DTNA: variants seen among roughly 807,000 people sequenced by gnomAD.
DTNA encodes dystrophin-related protein 3.
DTNA carries 43 observed loss-of-function variants against 100.7 expected under a neutral mutation model. The ratio of observed to expected loss-of-function variants is 0.43; its 90% confidence interval spans 0.33 to 0.55. DTNA has a LOEUF of 0.55. DTNA is among the 20% of genes least tolerant of loss of function. The pLI is 0.04. For missense variants in DTNA, 798 were observed against 953.9 expected (o/e 0.84, Z 2.15); for synonymous variants, 349 against 347.9 (o/e 1.00, Z -0.04).
chr18:34,574,685 G>T (rs928179471), intron 1 of DTNA, among the ~76,000 whole-genome samples: 2 of 152,192 alleles, frequency 1.3e-5, no homozygotes, highest in African/African-American at 4.8e-5. Flanking sequence ...CTGGAATGCA[G>T]TAATGATGTG....
rs141208582 is a variant in DTNA at position 34,541,885 on chromosome 18, G to T, written c.-2+48371G>T. Reference sequence around the variant, plus strand: ...CCAGAGTAAAAAAGCTGCAAGGTGTGATGGGTCTAGACCTGGTGATTGATT... The same window carrying T: ...CCAGAGTAAAAAAGCTGCAAGGTGTTATGGGTCTAGACCTGGTGATTGATT... On this transcript the variant is annotated intron_variant, in intron 1 of 19. Coordinates refer to the DTNA transcript ENST00000283365. 1.8e-3 allele frequency among the ~76,000 whole-genome samples: 275 copies of T among 152,192 alleles called. 1 individual carries two copies. Among genetic ancestry groups the T allele is most frequent in the African/African-American group, 5.9e-3 (244 of 41,552 alleles).
At chr18:34,839,139 A>G (rs2096216105) in intron 13 of DTNA, among the ~76,000 whole-genome samples, 1 of 152,196 alleles carries the variant, frequency 6.6e-6, no homozygotes, top group African/African-American at 2.4e-5. Flanking sequence ...GTTCTGTGCT[A>G]CGTGTCATGT....
rs149554830 is a variant in DTNA, at chr18:34,639,182, A to G, written c.-1-116794A>G. ...GTACTACTGATACACCTTAGACCAG[A>G]GATTGTCAGCCTCTTCACATTGACA... is the stretch of plus-strand genomic sequence containing the variant. On this transcript the variant is annotated intron_variant, in intron 1 of 19. Coordinates refer to the DTNA transcript ENST00000283365. Among the ~76,000 whole-genome samples, 767 of 152,276 alleles carry G rather than the reference A, an allele frequency of 5.0e-3. 6 individuals carry two copies. The highest frequency in any genetic ancestry group is 0.017 in the African/African-American group (718 of 41,552).
intron 1 of DTNA, among the ~76,000 whole-genome samples, chr18:34,646,041 T>A (rs2059797793): frequency 6.6e-6 from 1 of 152,188 alleles, no homozygotes; most frequent in African/African-American, 2.4e-5. Context: ...ATGTACTCTC[T>A]TAGCTGGTAT....
intron 17 of DTNA, among the ~76,000 whole-genome samples, chr18:34,871,923 T>C (rs569247891): frequency 1.3e-5 from 2 of 152,326 alleles, no homozygotes; most frequent in Admixed American, 6.5e-5. Context: ...AACTGATTAT[T>C]CTCTTCAGCA....
intron 1 of DTNA, among the ~76,000 whole-genome samples, chr18:34,755,240 T>A (rs1449698371): frequency 6.6e-6 from 1 of 152,238 alleles, no homozygotes; most frequent in African/African-American, 2.4e-5. Context: ...CTCATTATTT[T>A]CTTTTTCCTC....
intron 1 of DTNA, among the ~76,000 whole-genome samples, chr18:34,676,948 G>T (rs1156568041): frequency 6.6e-6 from 1 of 152,190 alleles, no homozygotes; most frequent in Non-Finnish European, 1.5e-5. Flanking sequence ...TAGTAGGATT[G>T]ATGCCTTTAA....
At chr18:34,864,612 T>A (rs1479039285) in intron 17 of DTNA, among the ~76,000 whole-genome samples, 1 of 152,226 alleles carries the variant, frequency 6.6e-6, no homozygotes, top group Non-Finnish European at 1.5e-5. Context: ...TGGGGCAACT[T>A]CTTCTTGGCT....
intron 1 of DTNA, among the ~76,000 whole-genome samples, chr18:34,741,299 A>G (rs2090609099): frequency 6.6e-6 from 1 of 151,764 alleles, no homozygotes; most frequent in Non-Finnish European, 1.5e-5. Flanking sequence ...TAAGCAGGGT[A>G]TCCTCCCATT....
In DTNA at chr18:34,839,041, T is replaced by C. The variant is rs535378571; in HGVS notation, c.1346+204T>C. Among the ~76,000 whole-genome samples the C allele has an allele frequency of 1.7e-4, 26 of 152,318 alleles. No homozygotes were observed. In the South Asian group the frequency reaches 5.4e-3, roughly 32 times the overall value. On this transcript the variant is annotated intron_variant, in intron 13 of 22. Transcript: ENST00000444659. The stretch of plus-strand genomic sequence containing the variant: ...CATAGGATTCATATCCTTGTTTATA[T>C]ATTAGCTAAAACGAAAACTTGCATA...
At chr18:34,632,999 T>C (rs2148154148) in intron 1 of DTNA, among the ~76,000 whole-genome samples, 1 of 152,272 alleles carries the variant, frequency 6.6e-6, no homozygotes, top group East Asian at 1.9e-4. Flanking sequence ...TTAAAAAAAT[T>C]CTGAAAGTTA....
chr18:34,745,121 C>T (rs1437458756), intron 1 of DTNA, among the ~76,000 whole-genome samples: 1 of 152,016 alleles, frequency 6.6e-6, no homozygotes, highest in African/African-American at 2.4e-5. Flanking sequence ...AGTGTCGTGG[C>T]TATTACTGTT....
At chr18:34,627,313 A>G (rs1318370487) in intron 1 of DTNA, among the ~76,000 whole-genome samples, 2 of 152,164 alleles carry the variant, frequency 1.3e-5, no homozygotes, top group Non-Finnish European at 2.9e-5. Context: ...CAGCTGGGGA[A>G]CCAACGTTCA....
chr18:34,574,918 A>G (rs1161736837), intron 1 of DTNA, among the ~76,000 whole-genome samples: 14 of 152,166 alleles, frequency 9.2e-5, no homozygotes, highest in Non-Finnish European at 1.9e-4. Flanking sequence ...TCAAGTTTCA[A>G]TTATCTCTAG....
intron 1 of DTNA, among the ~76,000 whole-genome samples, chr18:34,695,246 C>T (rs1223368111): frequency 2.0e-5 from 3 of 152,144 alleles, no homozygotes; most frequent in Non-Finnish European, 4.4e-5. Context: ...TTTCCCATAT[C>T]GTCTAACCCT....
intron 1 of DTNA, among the ~76,000 whole-genome samples, chr18:34,581,027 C>G (rs1045619216): frequency 6.6e-6 from 1 of 152,054 alleles, no homozygotes; most frequent in Non-Finnish European, 1.5e-5. Flanking sequence ...AGGCGGATCA[C>G]GAGGTCAGGA....
chr18:34,846,125 G>A (rs2096373155), intron 13 of DTNA, among the ~76,000 whole-genome samples: 3 of 151,862 alleles, frequency 2.0e-5, no homozygotes, highest in African/African-American at 2.4e-5. Context: ...CAATATTATC[G>A]ACATTTCTTG....
chr18:34,644,660 C>G (rs2059641773), intron 1 of DTNA, among the ~76,000 whole-genome samples: 1 of 152,024 alleles, frequency 6.6e-6, no homozygotes, highest in South Asian at 2.1e-4. Flanking sequence ...AAGAACAGCA[C>G]TGAGGCTTAA....
At chr18:34,537,617 A>T (rs1265023366) in intron 1 of DTNA, among the ~76,000 whole-genome samples, 1 of 152,018 alleles carries the variant, frequency 6.6e-6, no homozygotes, top group Non-Finnish European at 1.5e-5. Context: ...AATTTTAGGC[A>T]TCTCAAATGT....
Sources: gnomAD v4.1 joint callset for allele counts (sites outside exome capture counted in the v4.1 genomes callset) on GRCh38, gnomAD v4.1.1 for gene constraint, MANE v1.5 for transcripts, NCBI Gene and HGNC (gene_info 2026-07-23, HGNC 2026-07-21) for gene names.